The following VPS13D variants were observed in gnomAD, a reference collection of about 807,000 sequenced individuals.
VPS13D encodes vacuolar protein sorting 13 homolog D.
A neutral mutation model predicts 461.9 loss-of-function variants in VPS13D; 187 were observed. The ratio of observed to expected loss-of-function variants is 0.40; its 90% CI spans 0.36 to 0.46. VPS13D has a LOEUF of 0.46. Among genes scored for constraint, VPS13D ranks in the 20% least tolerant of loss-of-function variants. The pLI is 0.60. For synonymous variants in VPS13D, 1,951 were observed against 1,986.3 expected, an observed-to-expected ratio of 0.98 and a Z score of 0.47; for missense variants, 4,711 against 5,364.9, an observed-to-expected ratio of 0.88 and a Z score of 3.81.
At chr1:12,325,871 G>T (rs1643168198) in intron 35 of VPS13D, among the ~76,000 whole-genome samples, 1 of 151,344 alleles carries the variant, frequency 6.6e-6, no homozygotes, top group African/African-American at 2.4e-5. Context: ...TTTTTGGTGT[G>T]AACTTTTGTC....
intron 68 of VPS13D, among the ~76,000 whole-genome samples, chr1:12,503,376 G>T (rs1480242846): frequency 2.0e-5 from 3 of 151,250 alleles, no homozygotes; most frequent in Non-Finnish European, 2.9e-5. Flanking sequence ...TAGAGATGGG[G>T]TCTCACTATG....
intron 7 of VPS13D, among the ~76,000 whole-genome samples, chr1:12,255,912 AAAG>A (rs1640907164): frequency 6.6e-6 from 1 of 151,188 alleles, no homozygotes; most frequent in South Asian, 2.1e-4. Flanking sequence ...AAGAAAGAAA[AAAG>A]AAATATAAAT....
chr1:12,434,876 T>G (rs957408208), intron 65 of VPS13D, among the ~76,000 whole-genome samples: 1 of 152,204 alleles, frequency 6.6e-6, no homozygotes, highest in Non-Finnish European at 1.5e-5. Context: ...TTGGTGGGTT[T>G]GTTTTTGTCT....
chr1:12,368,324 TG>T, intron 52 of VPS13D, 143 bp from the exon 53 acceptor site: 2 of 942,246 alleles, frequency 2.1e-6, no homozygotes, highest in Non-Finnish European at 3.1e-6. Context: ...TTTCAGATGA[TG>T]GAGGAACACA....
chr1:12,309,203 CT>C (rs905498675), intron 27 of VPS13D, among the ~76,000 whole-genome samples: 55 of 144,388 alleles, frequency 3.8e-4, no homozygotes, highest in East Asian at 1.9e-3. Flanking sequence ...TTGATTTGAT[CT>C]TTTTTTTCTT....
intron 30 of VPS13D, 82 bp downstream of exon 30, chr1:12,314,409 A>G: frequency 1.4e-6 from 2 of 1,396,104 alleles, no homozygotes; most frequent in Non-Finnish European, 2.0e-6. Context: ...TTAGAACATC[A>G]AAAAACCAAG....
At chr1:12,366,666 C>A (rs10864553) in intron 52 of VPS13D, among the ~76,000 whole-genome samples, 1 of 152,048 alleles carries the variant, frequency 6.6e-6, no homozygotes, top group Non-Finnish European at 1.5e-5. Context: ...TAAACTACTG[C>A]GAACAGACCT....
intron 54 of VPS13D, 125 bp from the exon 55 acceptor site, chr1:12,373,625 A>T: frequency 2.3e-6 from 1 of 432,428 alleles, no homozygotes; most frequent in Non-Finnish European, 3.5e-6. Flanking sequence ...TCTATCCTTT[A>T]AAAAATTTTC....
chr1:12,486,363 G>C (rs1398320301), intron 67 of VPS13D, among the ~76,000 whole-genome samples: 1 of 152,220 alleles, frequency 6.6e-6, no homozygotes, highest in East Asian at 1.9e-4. Context: ...AATAATGAGA[G>C]CCGTGTTGTA....
chr1:12,256,213 C>A, intron 7 of VPS13D, 120 bp from the exon 8 acceptor site: 1 of 1,120,060 alleles, frequency 8.9e-7, no homozygotes, highest in Non-Finnish European at 1.3e-6. Context: ...AAAATATTTG[C>A]CGCTGTGACA....
chr1:12,486,700 T>TA (rs1204573933), intron 67 of VPS13D, among the ~76,000 whole-genome samples: 1 of 152,186 alleles, frequency 6.6e-6, no homozygotes, highest in Non-Finnish European at 1.5e-5. Context: ...CTTGAGTTGT[T>TA]ACCAACGCCC....
chr1:12,314,054 AC>A (rs1187181477), intron 29 of VPS13D, 60 bp from the exon 30 acceptor site: 1 of 1,482,380 alleles, frequency 6.7e-7, no homozygotes, highest in Non-Finnish European at 9.3e-7. Flanking sequence ...GAACTTATAT[AC>A]TTTTGTAAAA....
chr1:12,287,611 C>G (rs1302054858), intron 21 of VPS13D, among the ~76,000 whole-genome samples: 1 of 152,160 alleles, frequency 6.6e-6, no homozygotes, highest in Non-Finnish European at 1.5e-5. Flanking sequence ...CTCAACAAAT[C>G]CTAGACATAT....
In VPS13D at chr1:12,354,178, G is replaced by A; in HGVS notation, c.9636G>A (p.Glu3212=). 1.9e-6 allele frequency: 3 copies of A among 1,614,178 alleles called. No homozygotes were observed. Among genetic ancestry groups the A allele is most frequent in the Non-Finnish European group, 2.5e-6 (3 of 1,180,018 alleles). Reference sequence around the variant, plus strand: ...ATGGGACGCTGAAACCTGGCAAGGAGGCAGCTCTCCATACAGCTGATACAT... The same window carrying A: ...ATGGGACGCTGAAACCTGGCAAGGAAGCAGCTCTCCATACAGCTGATACAT... The part of the protein sequence containing the change: ...PINGTLKPGK[E]AALHTADTSQ... Residue 3212 remains glutamate (E), a synonymous_variant, in exon 47 of 70, where the codon GAG becomes GAA. Coordinates refer to ENST00000620676, the MANE Select transcript of VPS13D (RefSeq NM_015378.4).
Position 12,495,155 on chromosome 1 carries a change from T to G in VPS13D, c.12663-2345T>G, listed in dbSNP as rs1645939504. 1.3e-5 allele frequency among the ~76,000 whole-genome samples: 2 copies of G among 151,390 alleles called. No homozygotes were observed. Among genetic ancestry groups the G allele is most frequent in the Non-Finnish European group, 3.0e-5 (2 of 67,738 alleles). On this transcript the variant is annotated intron_variant, in intron 67 of 69. Coordinates refer to ENST00000620676, the MANE Select transcript of VPS13D (RefSeq NM_015378.4). This position sits in a 1 kb window ranked among gnomAD's most constrained non-coding sequence, Gnocchi z 4.0. ...CTGACTTGATGTAACTTACCTTTTTTTTTTTTTTTTTTGAGACAGAGTCTT... is the reference window on the plus strand; with the variant it reads ...CTGACTTGATGTAACTTACCTTTTTGTTTTTTTTTTTTGAGACAGAGTCTT...
Position 12,385,358 on chromosome 1 carries a change from A to C in VPS13D, c.11469A>C (p.Thr3823=). Residue 3823 remains threonine, a synonymous_variant, in exon 59 of 70, where the codon ACA becomes ACC. Coordinates refer to ENST00000620676, the MANE Select transcript of VPS13D (RefSeq NM_015378.4). The part of the protein sequence containing the change: ...QELQKLKNPD[T]EQELEVLVRL... ...TGCAGAAATTAAAGAATCCAGATAC[A>C]GAGCAGGAATTGGAAGTAAGGTCTA... 1.2e-6 allele frequency: 2 copies of C among 1,612,980 alleles called. No individual in the cohort carries two copies. The highest frequency in any genetic ancestry group is 1.7e-6 in the Non-Finnish European group (2 of 1,179,488).
chr1:12,282,696 T>A lies in VPS13D; in HGVS notation c.4603-9T>A, dbSNP rs368004467. On this transcript the variant is annotated splice_polypyrimidine_tract_variant and intron_variant, in intron 20 of 69. Transcript: ENST00000620676. Reference sequence around the variant, plus strand: ...TAAGAGTAACTGAATTTTTCTCTTTTCAATACAGGTGGTGTTAGCAAAGCA... The same window carrying A: ...TAAGAGTAACTGAATTTTTCTCTTTACAATACAGGTGGTGTTAGCAAAGCA... 3.1e-4 allele frequency: 494 copies of A among 1,587,444 alleles called. 1 individual carries two copies. The African/African-American group carries it at 5.8e-3, about 19-fold the overall frequency.
At chr1:12,260,270 C>G (rs376346141) in intron 10 of VPS13D, among the ~76,000 whole-genome samples, 1 of 152,234 alleles carries the variant, frequency 6.6e-6, no homozygotes, top group African/African-American at 2.4e-5. Flanking sequence ...CGTGATCCGC[C>G]CATCTCGGCC....
intron 21 of VPS13D, among the ~76,000 whole-genome samples, chr1:12,286,971 G>C (rs1446235602): frequency 6.6e-6 from 1 of 152,084 alleles, no homozygotes; most frequent in Non-Finnish European, 1.5e-5. Flanking sequence ...AGCCATTCTT[G>C]TGCTTCTGCC....
Sources: gnomAD v4.1 joint callset for allele counts (sites outside exome capture counted in the v4.1 genomes callset) on GRCh38, gnomAD v4.1.1 for gene constraint, Gnocchi (gnomAD v3.1) non-coding constraint, MANE v1.5 for transcripts, NCBI Gene and HGNC (gene_info 2026-07-23, HGNC 2026-07-21) for gene names.